Variants in CRTAM observed in about 807,000 individuals in gnomAD.
The protein encoded by CRTAM is cytotoxic and regulatory T-cell molecule.
In CRTAM, 44 loss-of-function variants were observed where a neutral mutation model predicts 50.0. The ratio of observed to expected loss-of-function variants is 0.88; its 90% CI spans 0.69 to 1.13. The LOEUF (loss-of-function observed/expected upper bound fraction) is 1.13. Ranked by LOEUF, CRTAM falls within the 50% of genes most tolerant of loss-of-function variation. The pLI is 0.00. For missense variants in CRTAM, 448 were observed against 457.5 expected, an observed-to-expected ratio of 0.98 and a Z score of 0.19; for synonymous variants, 159 against 169.3, an observed-to-expected ratio of 0.94 and a Z score of 0.47.
intron 1 of CRTAM, among the ~76,000 whole-genome samples, chr11:122,843,141 G>A (rs1279394357): frequency 2.0e-5 from 3 of 152,174 alleles, no homozygotes; most frequent in African/African-American, 7.2e-5. Context: ...GTGTACTTTG[G>A]TAGATGGCTG....
At position 122,871,391 on chromosome 11, in the gene CRTAM, A is replaced by C. The variant is rs1486617547; in HGVS notation, c.1174A>C (p.Ile392Leu). 6.2e-7 allele frequency: 1 copy of C among 1,613,170 alleles called. No individual in the cohort carries two copies. The highest frequency in any genetic ancestry group is 2.2e-5 in the East Asian group (1 of 44,826). ...AAAGCACATCCAAGTACCAGAGAGT[A>C]TTGTGTAGTGCTCTCTGCAATGGAA... ...EEKHIQVPES[I>L]V The change falls in exon 10 of 10, where the codon ATT (isoleucine) becomes CTT (leucine). Residue 392 changes from isoleucine (I) to leucine (L), a missense_variant. Physicochemically the swap from Ile to Leu is conservative, Grantham distance 5 (BLOSUM62 2). Transcript: ENST00000227348.
chr11:122,850,867 C>G (rs568706674), intron 2 of CRTAM, among the ~76,000 whole-genome samples: 1 of 152,182 alleles, frequency 6.6e-6, no homozygotes, highest in African/African-American at 2.4e-5. Flanking sequence ...TTTACTAAAC[C>G]CTAGATCATT....
chr11:122,862,163 A>G, intron 5 of CRTAM: 1 of 364,894 alleles, frequency 2.7e-6, no homozygotes, highest in South Asian at 6.2e-5. Context: ...AAACAGACAG[A>G]GGGATTGATT....
intron 2 of CRTAM, among the ~76,000 whole-genome samples, chr11:122,850,945 T>C (rs1861921775): frequency 1.3e-5 from 2 of 152,338 alleles, no homozygotes; most frequent in African/African-American, 4.8e-5. Flanking sequence ...TTCAGTCTTA[T>C]TTATAAAGCA....
At chr11:122,868,651 A>C (rs1862213961) in intron 9 of CRTAM, among the ~76,000 whole-genome samples, 1 of 152,222 alleles carries the variant, frequency 6.6e-6, no homozygotes. Context: ...ACCAGATTTG[A>C]GGTATTTCTT....
chr11:122,871,585 T>C lies in CRTAM; in HGVS notation c.*186T>C. 2.4e-6 allele frequency: 1 copy of C among 421,358 alleles called. No homozygotes were observed. The highest frequency in any genetic ancestry group is 4.2e-6 in the Non-Finnish European group (1 of 238,694). The allele number at this position is 421,358 out of a possible 1,614,324, so 26.1% of individuals were successfully genotyped here. A position where few individuals can be genotyped will look rare whatever the true frequency, so the allele number is the denominator to read the frequency against. Reference sequence around the variant, plus strand: ...CAACATGAGGACCAAACCATGCACATAAAGCTTGTAGTTTAAAAAAGAAAA... The same window carrying C: ...CAACATGAGGACCAAACCATGCACACAAAGCTTGTAGTTTAAAAAAGAAAA... On this transcript the variant is annotated 3_prime_UTR_variant, in exon 10 of 10. Transcript: ENST00000227348.
chr11:122,869,713 G>A (rs990283868), intron 9 of CRTAM, among the ~76,000 whole-genome samples: 1 of 152,170 alleles, frequency 6.6e-6, no homozygotes, highest in African/African-American at 2.4e-5. Context: ...GGTTTTTGTA[G>A]GAGGCTTGTC....
At chr11:122,861,732 T>C (rs934416951) in intron 5 of CRTAM, among the ~76,000 whole-genome samples, 12 of 152,002 alleles carry the variant, frequency 7.9e-5, no homozygotes, top group Non-Finnish European at 1.8e-4. Flanking sequence ...TGAGCCACTG[T>C]GCCCACCCGA....
At chr11:122,861,386 G>GTATATATA (rs71057304) in intron 5 of CRTAM, among the ~76,000 whole-genome samples, 10 of 41,824 alleles carry the variant, frequency 2.4e-4, no homozygotes, top group Admixed American at 4.1e-4. Context: ...ATACATATAC[G>GTATATATA]TATATATATA....
In CRTAM at chr11:122,851,466, G is replaced by C. The variant is rs111461017; in HGVS notation, c.194-227G>C. 1.9e-4 allele frequency among the ~76,000 whole-genome samples: 29 copies of C among 152,248 alleles called. 1 individual carries two copies. The highest frequency in any genetic ancestry group is 6.3e-4 in the African/African-American group (26 of 41,558). On this transcript the variant is annotated intron_variant, in intron 2 of 9. Transcript: ENST00000227348. ...TTTGTTTCTGGTTTTGGTACACTGG[G>C]AGAAGAGGGACTCTCTCGGATTTCT...
chr11:122,845,655 T>C (rs1357518594), intron 1 of CRTAM, among the ~76,000 whole-genome samples: 1 of 151,960 alleles, frequency 6.6e-6, no homozygotes, highest in African/African-American at 2.4e-5. Flanking sequence ...TGCAGTGAGC[T>C]GAGATCATGC....
intron 1 of CRTAM, among the ~76,000 whole-genome samples, chr11:122,846,859 C>T (rs1221959999): frequency 1.3e-5 from 2 of 152,144 alleles, no homozygotes; most frequent in Admixed American, 6.5e-5. Flanking sequence ...CTGCTTCTTC[C>T]TTAATGTCTA....
At chr11:122,845,083 G>A (rs1199064162) in intron 1 of CRTAM, among the ~76,000 whole-genome samples, 1 of 152,164 alleles carries the variant, frequency 6.6e-6, no homozygotes, top group Non-Finnish European at 1.5e-5. Context: ...CCTCCGTTGT[G>A]TGAAGGGCAG....
At chr11:122,852,630 G>A (rs746267121) in intron 3 of CRTAM, among the ~76,000 whole-genome samples, 7 of 152,082 alleles carry the variant, frequency 4.6e-5, no homozygotes, top group Non-Finnish European at 7.3e-5. Context: ...AGTGGCTCTC[G>A]GGGAGGGGTT....
intron 1 of CRTAM, among the ~76,000 whole-genome samples, chr11:122,849,247 C>A (rs1281415592): frequency 6.6e-6 from 1 of 152,184 alleles, no homozygotes; most frequent in Non-Finnish European, 1.5e-5. Context: ...TAAGCTGAGG[C>A]CAGAAAGGTT....
chr11:122,841,440 G>A (rs1163001513), intron 1 of CRTAM, among the ~76,000 whole-genome samples: 14 of 144,008 alleles, frequency 9.7e-5, no homozygotes, highest in Admixed American at 4.3e-4. Context: ...TTGCTCCGTC[G>A]CCCAGGCTGG....
At chr11:122,842,892 A>G (rs1861816448) in intron 1 of CRTAM, among the ~76,000 whole-genome samples, 1 of 152,202 alleles carries the variant, frequency 6.6e-6, no homozygotes, top group Non-Finnish European at 1.5e-5. Context: ...GACAGTAGAG[A>G]TAACGAGTTC....
chr11:122,850,324 C>A, intron 2 of CRTAM, 110 bp downstream of exon 2: 2 of 1,036,806 alleles, frequency 1.9e-6, no homozygotes, highest in Non-Finnish European at 1.4e-6. Flanking sequence ...AAGGGGTGGG[C>A]TCAGCCCACC....
In CRTAM at chr11:122,862,461, T is replaced by C; in HGVS notation, c.653-3T>C. The C allele has an allele frequency of 6.2e-7, 1 of 1,606,466 alleles. No homozygotes were observed. Among genetic ancestry groups the C allele is most frequent in the Non-Finnish European group, 8.5e-7 (1 of 1,172,992 alleles). On this transcript the variant is annotated splice_polypyrimidine_tract_variant and splice_region_variant and intron_variant, in intron 5 of 9. Transcript: ENST00000227348. The stretch of plus-strand genomic sequence containing the variant: ...GCAGAATTTTGTTTTTCCCCTTTCC[T>C]AGTTACTGATGAAGAGACAGCTTCA...
Sources: allele counts gnomAD v4.1 joint callset (sites outside exome capture counted in the v4.1 genomes callset), GRCh38; gene constraint gnomAD v4.1.1; transcripts MANE v1.5; gene names NCBI Gene and HGNC (gene_info 2026-07-23, HGNC 2026-07-21).